The following TTC6 variants were observed in gnomAD, a reference collection of about 807,000 sequenced individuals.
The protein encoded by TTC6 is tetratricopeptide repeat domain 6.
A neutral mutation model predicts 210.4 loss-of-function variants in TTC6; 172 were observed. The observed-to-expected ratio is 0.82, with a 90% CI of 0.72 to 0.93. TTC6 has a LOEUF of 0.93. TTC6 is among the 40% of genes least tolerant of loss of function. The pLI, the probability that TTC6 is intolerant of heterozygous loss-of-function variation, is 0.00. For synonymous variants in TTC6, 804 were observed against 819.6 expected (o/e 0.98, Z 0.32); for missense variants, 2,414 against 2,318.1 (o/e 1.04, Z -0.85).
chr14:37,654,398 T>A (rs1427849550), intron 1 of TTC6, among the ~76,000 whole-genome samples: 1 of 151,982 alleles, frequency 6.6e-6, no homozygotes, highest in Non-Finnish European at 1.5e-5. Flanking sequence ...TGAAAAAAAA[T>A]TAAAAGTATG....
intron 3 of TTC6, among the ~76,000 whole-genome samples, chr14:37,683,521 G>T (rs967210728): frequency 6.6e-6 from 1 of 152,062 alleles, no homozygotes. Context: ...ACTGCAGTGT[G>T]GAAATAGGTG....
At chr14:37,697,065 A>C (rs2095816283) in intron 4 of TTC6, among the ~76,000 whole-genome samples, 1 of 152,120 alleles carries the variant, frequency 6.6e-6, no homozygotes, top group Non-Finnish European at 1.5e-5. Context: ...TTCATGATGT[A>C]ACAATAGCTG....
At chr14:37,793,607 A>G (rs2139349234) in intron 17 of TTC6, among the ~76,000 whole-genome samples, 1 of 152,324 alleles carries the variant, frequency 6.6e-6, no homozygotes. Context: ...GAAAGGATGG[A>G]CAATACTCAT....
chr14:37,666,425 C>T (rs1021288953), intron 1 of TTC6, among the ~76,000 whole-genome samples: 2 of 131,072 alleles, frequency 1.5e-5, no homozygotes, highest in African/African-American at 5.6e-5. Flanking sequence ...CCAGCCTGAG[C>T]AACATAGTGA....
intron 14 of TTC6, among the ~76,000 whole-genome samples, chr14:37,785,720 A>G (rs2096065977): frequency 6.6e-6 from 1 of 152,168 alleles, no homozygotes; most frequent in Admixed American, 6.5e-5. Flanking sequence ...TAGAATGTTC[A>G]GCTTTTCTGC....
At chr14:37,747,611 A>G (rs2095940006) in intron 10 of TTC6, among the ~76,000 whole-genome samples, 1 of 151,896 alleles carries the variant, frequency 6.6e-6, no homozygotes, top group Non-Finnish European at 1.5e-5. Flanking sequence ...CTTTGATTTC[A>G]CTCTCCTCCT....
intron 1 of TTC6, among the ~76,000 whole-genome samples, chr14:37,600,449 T>G (rs2139210625): frequency 6.6e-6 from 1 of 152,272 alleles, no homozygotes; most frequent in South Asian, 2.1e-4. Context: ...AGTGTTTAGC[T>G]TCTCCGTCCC....
chr14:37,787,601 AACC>A, exon 15 of TTC6: 1 of 1,523,172 alleles, frequency 6.6e-7, no homozygotes, highest in Non-Finnish European at 8.8e-7. Flanking sequence ...CAGAAAGAGT[AACC>A]CTTTTAGAGC....
At chr14:37,795,164 G>T in intron 17 of TTC6, 106 bp from the exon 20 acceptor site, 1 of 630,136 alleles carries the variant, frequency 1.6e-6, no homozygotes, top group Non-Finnish European at 2.6e-6. Context: ...ATGTATGTTA[G>T]GAGATGTCCC....
chr14:37,695,388 CTT>C (rs1263985101), intron 3 of TTC6, among the ~76,000 whole-genome samples: 1 of 152,062 alleles, frequency 6.6e-6, no homozygotes, highest in Non-Finnish European at 1.5e-5. Flanking sequence ...GAATTTCACT[CTT>C]GTTGCCCAGG....
chr14:37,663,857 C>T (rs951780847), intron 1 of TTC6, among the ~76,000 whole-genome samples: 11 of 152,098 alleles, frequency 7.2e-5, no homozygotes, highest in African/African-American at 2.7e-4. Flanking sequence ...TGTACACCAA[C>T]AACAGGCAAG....
chr14:37,657,995 G>T (rs530866709), intron 1 of TTC6, among the ~76,000 whole-genome samples: 1 of 152,190 alleles, frequency 6.6e-6, no homozygotes, highest in South Asian at 2.1e-4. Flanking sequence ...CATCAAGGAT[G>T]GCCAGACTTT....
intron 6 of TTC6, among the ~76,000 whole-genome samples, chr14:37,719,619 C>T (rs895896726): frequency 2.0e-5 from 3 of 152,078 alleles, no homozygotes; most frequent in Admixed American, 1.3e-4. Context: ...TCTTTTCAAA[C>T]AATTGTTGCT....
At chr14:37,673,083 A>AT (rs1030241471) in intron 1 of TTC6, among the ~76,000 whole-genome samples, 2 of 151,802 alleles carry the variant, frequency 1.3e-5, no homozygotes, top group African/African-American at 4.8e-5. Flanking sequence ...TTCAAATTCC[A>AT]TTTTTTTTCT....
chr14:37,612,993 C>T (rs573083552), intron 2 of TTC6, among the ~76,000 whole-genome samples: 1 of 152,212 alleles, frequency 6.6e-6, no homozygotes, highest in South Asian at 2.1e-4. Context: ...TGCCATATTG[C>T]AATGGCTAAG....
In TTC6 at chr14:37,682,782, A is replaced by AT; in HGVS notation, c.1075_1076insT (p.Thr359IlefsTer9). ...GAGCGTGCATAAGGAACTTTCTGAA[A>AT]CCATGTCAAGTATTCTCCAGATTGA... On this transcript the variant is annotated frameshift_variant, in exon 3 of 31. Coordinates refer to ENST00000553443, the Ensembl canonical transcript of TTC6. LOFTEE classifies it high-confidence loss of function. 6.5e-7 allele frequency: 1 copy of AT among 1,535,588 alleles called. No homozygotes were observed. Among genetic ancestry groups the AT allele is most frequent in the Non-Finnish European group, 8.7e-7 (1 of 1,146,530 alleles).
At chr14:37,690,791 C>T (rs2095802166) in intron 3 of TTC6, among the ~76,000 whole-genome samples, 1 of 151,734 alleles carries the variant, frequency 6.6e-6, no homozygotes, top group South Asian at 2.1e-4. Flanking sequence ...TTCAACATCC[C>T]ACCTACAGCA....
Position 37,778,805 on chromosome 14 carries a change from T to A in TTC6, c.3267-8663T>A, listed in dbSNP as rs560398902. Among the ~76,000 whole-genome samples the A allele has an allele frequency of 2.0e-5, 3 of 152,200 alleles. No individual in the cohort carries two copies. In the South Asian group the frequency reaches 6.2e-4, roughly 32 times the overall value. ...AGCAGGTGTGGCCACCCTGGGGTCC[T>A]GGGAGAGGCCAGCAGACATGGGAGG... is the stretch of plus-strand genomic sequence containing the variant. On this transcript the variant is annotated intron_variant, in intron 14 of 30. Transcript: ENST00000553443.
intron 24 of TTC6, among the ~76,000 whole-genome samples, chr14:37,810,712 G>T (rs2096127841): frequency 6.6e-6 from 1 of 152,134 alleles, no homozygotes; most frequent in Non-Finnish European, 1.5e-5. Flanking sequence ...CAGCATTCCT[G>T]CCATCCCTAG....
Sources: gnomAD v4.1 joint callset for allele counts (sites outside exome capture counted in the v4.1 genomes callset) on GRCh38, gnomAD v4.1.1 for gene constraint, MANE v1.5 for transcripts, NCBI Gene and HGNC (gene_info 2026-07-23, HGNC 2026-07-21) for gene names.